The following RASGRP3 variants were observed in gnomAD, a reference collection of about 807,000 sequenced individuals.
RASGRP3 encodes ras guanyl-releasing protein 3.
In RASGRP3, 54 loss-of-function variants were observed where a neutral mutation model predicts 82.7. The observed-to-expected ratio is 0.65, with a 90% CI of 0.52 to 0.82. The LOEUF (loss-of-function observed/expected upper bound fraction) is 0.82. Among genes scored for constraint, RASGRP3 ranks in the 40% least tolerant of loss-of-function variants. The pLI, the probability that RASGRP3 is intolerant of heterozygous loss-of-function variation, is 0.00. For missense variants in RASGRP3, 861 were observed against 828.9 expected (o/e 1.04, Z -0.48); for synonymous variants, 309 against 300.5 (o/e 1.03, Z -0.29).
At chr2:33,449,275 C>T (rs1665660036) in intron 2 of RASGRP3, among the ~76,000 whole-genome samples, 1 of 152,176 alleles carries the variant, frequency 6.6e-6, no homozygotes, top group African/African-American at 2.4e-5. Context: ...GCAGAGTTAC[C>T]TTGCATATAT....
chr2:33,436,883 T>A (rs1478089336), intron 1 of RASGRP3, among the ~76,000 whole-genome samples: 1 of 152,196 alleles, frequency 6.6e-6, no homozygotes, highest in Admixed American at 6.5e-5. Flanking sequence ...GATGATCACC[T>A]TTAAAAATAT....
chr2:33,499,118 A>G (rs1346951601), intron 1 of RASGRP3, among the ~76,000 whole-genome samples: 1 of 151,764 alleles, frequency 6.6e-6, no homozygotes, highest in African/African-American at 2.4e-5. Flanking sequence ...CTCATCCCCA[A>G]CCCCCTCCCA....
intron 1 of RASGRP3, among the ~76,000 whole-genome samples, chr2:33,443,785 T>C (rs4670536): frequency 0.079 from 11,890 of 149,886 alleles, 655 homozygotes; most frequent in Admixed American, 0.17. Context: ...GGAGGCTGAG[T>C]TGGCAACATT....
intron 15 of RASGRP3, among the ~76,000 whole-genome samples, chr2:33,556,106 T>C (rs1675915531): frequency 6.6e-6 from 1 of 152,180 alleles, no homozygotes; most frequent in South Asian, 2.1e-4. Flanking sequence ...AAATGCAATA[T>C]GCATGTATAC....
chr2:33,553,747 A>G (rs1252839080), intron 14 of RASGRP3, among the ~76,000 whole-genome samples: 1 of 151,852 alleles, frequency 6.6e-6, no homozygotes, highest in African/African-American at 2.4e-5. Context: ...TTATTTATTT[A>G]TTATTATTAT....
At chr2:33,536,908 G>C (rs1273585775) in intron 11 of RASGRP3, among the ~76,000 whole-genome samples, 1 of 152,172 alleles carries the variant, frequency 6.6e-6, no homozygotes, top group Non-Finnish European at 1.5e-5. Flanking sequence ...GCATCTAGGG[G>C]TGTGTTACAG....
intron 2 of RASGRP3, among the ~76,000 whole-genome samples, chr2:33,468,691 T>C (rs1666867643): frequency 6.6e-6 from 1 of 152,190 alleles, no homozygotes; most frequent in South Asian, 2.1e-4. Flanking sequence ...TGAACCACTG[T>C]ACCCAGCCAC....
At chr2:33,442,885 T>G (rs1317720506) in intron 1 of RASGRP3, among the ~76,000 whole-genome samples, 2 of 3,574 alleles carry the variant, frequency 5.6e-4, no homozygotes, top group African/African-American at 0.012. Flanking sequence ...TCACTATTGT[T>G]TTTTTTTTTT....
chr2:33,497,547 A>T (rs1669439163), intron 1 of RASGRP3, among the ~76,000 whole-genome samples: 1 of 152,200 alleles, frequency 6.6e-6, no homozygotes, highest in South Asian at 2.1e-4. Context: ...GACATTAATC[A>T]CCTGACATGC....
At position 33,562,709 on chromosome 2, in the gene RASGRP3, G is replaced by T; in HGVS notation, c.2065-20G>T. The T allele has an allele frequency of 6.2e-7, 1 of 1,612,956 alleles. No homozygotes were observed. The highest frequency in any genetic ancestry group is 8.5e-7 in the Non-Finnish European group (1 of 1,178,994). On this transcript the variant is annotated intron_variant, in intron 17 of 17. Transcript: ENST00000403687. ...TTATATGAGATCCAGCCATGCAATAGGTTCCAATTTGTGTTTCAGGATGGC... is the reference window on the plus strand; with the variant it reads ...TTATATGAGATCCAGCCATGCAATATGTTCCAATTTGTGTTTCAGGATGGC...
At chr2:33,446,023 TA>T (rs1211681534) in intron 1 of RASGRP3, among the ~76,000 whole-genome samples, 7 of 152,244 alleles carry the variant, frequency 4.6e-5, no homozygotes, top group African/African-American at 1.7e-4. Context: ...AGACCTTTTT[TA>T]GGCTTTTATG....
rs762271727 is a variant in RASGRP3, at chr2:33,539,230, TAAAG to T, written c.1278+22_1278+25del. 185 of 1,520,210 alleles carry T rather than the reference TAAAG, an allele frequency of 1.2e-4. No homozygotes were observed. Among genetic ancestry groups the T allele is most frequent in the Non-Finnish European group, 1.6e-4 (177 of 1,107,288 alleles). 94.2% of individuals were successfully genotyped at this position (1,520,210 alleles called of 1,614,324 possible). On this transcript the variant is annotated intron_variant, in intron 12 of 17. Transcript: ENST00000403687. Reference sequence around the variant, plus strand: ...GTGGAGGTAAGTGGTTGAGGGAGAATAAAGAGAGGGCACTAGAAGACCCTTTCTC... The same window carrying T: ...GTGGAGGTAAGTGGTTGAGGGAGAATAGAGGGCACTAGAAGACCCTTTCTC...
chr2:33,451,348 T>G (rs1456737226), intron 2 of RASGRP3, among the ~76,000 whole-genome samples: 2 of 152,226 alleles, frequency 1.3e-5, no homozygotes, highest in African/African-American at 4.8e-5. Flanking sequence ...AAATATTTTC[T>G]ACCATCCCAC....
chr2:33,437,198 A>G (rs1664974268), intron 1 of RASGRP3, among the ~76,000 whole-genome samples: 1 of 152,206 alleles, frequency 6.6e-6, no homozygotes, highest in Non-Finnish European at 1.5e-5. Flanking sequence ...GTAGTTATGT[A>G]GATTTAAATT....
At chr2:33,443,565 TG>T (rs2150875062) in intron 1 of RASGRP3, among the ~76,000 whole-genome samples, 1 of 152,110 alleles carries the variant, frequency 6.6e-6, no homozygotes, top group East Asian at 1.9e-4. Flanking sequence ...GACTACTTAC[TG>T]CTCTTACTAT....
chr2:33,438,640 T>C (rs1317430123), intron 1 of RASGRP3, among the ~76,000 whole-genome samples: 1 of 152,152 alleles, frequency 6.6e-6, no homozygotes, highest in Non-Finnish European at 1.5e-5. Flanking sequence ...TTAATAGTTC[T>C]ACGGTAGTTC....
At chr2:33,475,636 A>G (rs1232462170), upstream of RASGRP3, among the ~76,000 whole-genome samples, 1 of 152,178 alleles carries the variant, frequency 6.6e-6, no homozygotes, top group Non-Finnish European at 1.5e-5. Context: ...TTACTATACC[A>G]AGAAGTCAGA....
chr2:33,533,949 G>A, intron 10 of RASGRP3: 1 of 188,280 alleles, frequency 5.3e-6, no homozygotes, highest in Non-Finnish European at 1.1e-5. Flanking sequence ...TATTTCAACA[G>A]TTCTTTAATC....
intron 1 of RASGRP3, among the ~76,000 whole-genome samples, chr2:33,494,795 A>T (rs1558442838): frequency 6.6e-6 from 1 of 152,214 alleles, no homozygotes; most frequent in Non-Finnish European, 1.5e-5. Context: ...TGATTTTGAG[A>T]ACTTTTTCTA....
Sources: gnomAD v4.1 joint callset for allele counts (sites outside exome capture counted in the v4.1 genomes callset) on GRCh38, gnomAD v4.1.1 for gene constraint, MANE v1.5 for transcripts, NCBI Gene and HGNC (gene_info 2026-07-23, HGNC 2026-07-21) for gene names.